Variants in PCDHA7 observed in about 807,000 individuals in gnomAD.
The protein encoded by PCDHA7 is protocadherin alpha 7.
PCDHA7 carries 37 observed loss-of-function variants against 57.2 expected under a neutral mutation model. That is an observed-to-expected ratio of 0.65 (90% CI 0.50 to 0.85). The LOEUF is 0.85. Among genes scored for constraint, PCDHA7 ranks in the 40% least tolerant of loss-of-function variants. The pLI is 0.00. For missense variants in PCDHA7, 1,188 were observed against 1,241.8 expected, an observed-to-expected ratio of 0.96 and a Z score of 0.65; for synonymous variants, 553 against 558.8, an observed-to-expected ratio of 0.99 and a Z score of 0.15.
At chr5:140,925,671 A>AATAATAATG (rs1445697337) in intron 1 of PCDHA7, among the ~76,000 whole-genome samples, 20 of 148,150 alleles carry the variant, frequency 1.3e-4, no homozygotes, top group African/African-American at 5.0e-4. Context: ...TAATAATAAT[A>AATAATAATG]ATAATAAAGC....
In PCDHA7 at chr5:141,009,849, C is replaced by G; in HGVS notation, c.2726C>G (p.Thr909Ser). The change falls in exon 4 of 4, where the codon ACC (threonine) becomes AGC (serine). Residue 909 changes from threonine (T) to serine (S), a missense_variant. Physicochemically the swap from Thr to Ser is moderately conservative, Grantham distance 58. Around this residue, in one of 3 missense-constraint regions of PCDHA7, gnomAD observed 892 missense variants for 788.5 expected, o/e 1.13. Coordinates refer to ENST00000525929, the MANE Select transcript of PCDHA7 (RefSeq NM_018910.3). ...ATAACCTTCGGCAAAAAGGAGGAGA[C>G]CAAGAAAAAGAAGAAAAAGAAGAAG... ...DFITFGKKEE[T>S]KKKKKKKKGN... 1 of 1,613,364 alleles carries G rather than the reference C, an allele frequency of 6.2e-7. No homozygotes were observed. The highest frequency in any genetic ancestry group is 8.5e-7 in the Non-Finnish European group (1 of 1,179,856).
chr5:140,963,032 T>C (rs541613535), intron 1 of PCDHA7, among the ~76,000 whole-genome samples: 8 of 152,290 alleles, frequency 5.3e-5, no homozygotes, highest in African/African-American at 1.9e-4. Context: ...CAATTAACAT[T>C]TATTGAGAGT....
In PCDHA7 at chr5:140,970,874, G is replaced by A. The variant is rs191123160; in HGVS notation, c.2356-8075G>A. On this transcript the variant is annotated intron_variant, in intron 1 of 3. Coordinates refer to ENST00000525929, the MANE Select transcript of PCDHA7 (RefSeq NM_018910.3). ...AAAGTTCCATTCCTGATTGAGAGTA[G>A]ATTTTTCTCATGGACATTTCAGATA... Among the ~76,000 whole-genome samples the A allele has an allele frequency of 1.6e-4, 24 of 152,250 alleles. No individual in the cohort carries two copies. The East Asian group carries it at 2.7e-3, about 17-fold the overall frequency.
intron 1 of PCDHA7, chr5:140,884,324 G>T (rs782624216): frequency 1.2e-6 from 2 of 1,613,840 alleles, no homozygotes; most frequent in Non-Finnish European, 1.7e-6. Context: ...GTCGGCAGGC[G>T]CTGTGGGTCC....
intron 1 of PCDHA7, chr5:140,928,599 T>G: frequency 6.2e-7 from 1 of 1,614,224 alleles, no homozygotes. Context: ...CAGTGGAAAT[T>G]GTGCCCCGCT....
rs943336645 is a variant in PCDHA7 at position 140,847,564 on chromosome 5, G to A, written c.2355+10826G>A. On this transcript the variant is annotated intron_variant, in intron 1 of 3. Coordinates refer to ENST00000525929, the MANE Select transcript of PCDHA7 (RefSeq NM_018910.3). ...TAGCTTTAAAAACAGAAATTGCCCC[G>A]AGTACTAAGGATGAGCAATAATGAA... The A allele has an allele frequency of 3.3e-5, 5 of 149,268 alleles. 1 individual carries two copies. The highest frequency in any genetic ancestry group is 1.3e-4 in the Admixed American group (2 of 14,886). The allele number at this position is 149,268 out of a possible 1,614,324, so 9.2% of individuals were successfully genotyped here. A position where few individuals can be genotyped will look rare whatever the true frequency, so the allele number is the denominator to read the frequency against.
At chr5:140,854,909 G>T (rs1295662316) in intron 1 of PCDHA7, among the ~76,000 whole-genome samples, 1 of 149,376 alleles carries the variant, frequency 6.7e-6, no homozygotes, top group Non-Finnish European at 1.5e-5. Flanking sequence ...AATATAACAG[G>T]GTTGAAAGCA....
Position 140,834,269 on chromosome 5 carries a change from A to C in PCDHA7, c.-115A>C. Reference sequence around the variant, plus strand: ...CTGGAAAGACGCTCCACTCTCTTTCACTCTTTGGATGCACAACAATGGCCA... The same window carrying C: ...CTGGAAAGACGCTCCACTCTCTTTCCCTCTTTGGATGCACAACAATGGCCA... On this transcript the variant is annotated 5_prime_UTR_variant, in exon 1 of 4. Transcript: ENST00000525929. 9.7e-7 allele frequency: 1 copy of C among 1,036,048 alleles called. No individual in the cohort carries two copies. Among genetic ancestry groups the C allele is most frequent in the Non-Finnish European group, 1.4e-6 (1 of 701,824 alleles). The allele number at this position is 1,036,048 out of a possible 1,614,324, so 64.2% of individuals were successfully genotyped here.
chr5:140,928,473 C>T (rs782009999), intron 1 of PCDHA7: 1 of 1,613,978 alleles, frequency 6.2e-7, no homozygotes, highest in Admixed American at 1.7e-5. Context: ...AAGTAGAAGG[C>T]CGGGATGGTG....
At chr5:140,861,503 C>T in intron 1 of PCDHA7, 3 of 478,536 alleles carry the variant, frequency 6.3e-6, no homozygotes, top group South Asian at 4.8e-5. Flanking sequence ...TGATAGACCT[C>T]GAGGAGCTGT....
In PCDHA7 at chr5:141,009,987, A is replaced by C. The variant is rs2154001821; in HGVS notation, c.*50A>C. The C allele has an allele frequency of 6.3e-7, 1 of 1,580,396 alleles. No individual in the cohort carries two copies. Among genetic ancestry groups the C allele is most frequent in the East Asian group, 2.2e-5 (1 of 44,670 alleles). On this transcript the variant is annotated 3_prime_UTR_variant, in exon 4 of 4. Coordinates refer to ENST00000525929, the MANE Select transcript of PCDHA7 (RefSeq NM_018910.3). The stretch of plus-strand genomic sequence containing the variant: ...TTAGCCAGTTTTTGTAATAATGGCA[A>C]ATCTCTCCCATGTAGCAATTCCCTG...
rs2150503431 is a variant in PCDHA7, at chr5:140,850,946, T to C, written c.2355+14208T>C. 14 of 1,504,084 alleles carry C rather than the reference T, an allele frequency of 9.3e-6. 3 individuals are homozygous for C. Among genetic ancestry groups the C allele is most frequent in the Non-Finnish European group, 1.3e-5 (14 of 1,119,924 alleles). 93.2% of individuals were successfully genotyped at this position (1,504,084 alleles called of 1,614,324 possible). A position where few individuals can be genotyped will look rare whatever the true frequency, so the allele number is the denominator to read the frequency against. ...TAATTTTTTTTCTTGAAAGATATTA[T>C]CGATTACTCCCAGGGGCCGTTCAAA... On this transcript the variant is annotated intron_variant, in intron 1 of 3. Coordinates refer to ENST00000525929, the MANE Select transcript of PCDHA7 (RefSeq NM_018910.3).
At chr5:140,939,960 T>G (rs1216904868) in intron 1 of PCDHA7, among the ~76,000 whole-genome samples, 2 of 152,258 alleles carry the variant, frequency 1.3e-5, no homozygotes, top group African/African-American at 2.4e-5. Context: ...TATGTTAAAG[T>G]GTTCCACGAT....
intron 1 of PCDHA7, chr5:140,876,965 G>C (rs1554169161): frequency 1.9e-6 from 3 of 1,612,976 alleles, no homozygotes; most frequent in East Asian, 2.2e-5. Flanking sequence ...GTGGAGCGGC[G>C]GGTGGGCGAG....
intron 1 of PCDHA7, chr5:140,841,056 A>T: frequency 2.2e-6 from 1 of 445,048 alleles, no homozygotes; most frequent in Non-Finnish European, 3.9e-6. Context: ...TTACTATTAA[A>T]TTATGATAAA....
At chr5:140,994,485 C>T (rs573689251) in intron 3 of PCDHA7, among the ~76,000 whole-genome samples, 2 of 152,146 alleles carry the variant, frequency 1.3e-5, no homozygotes, top group South Asian at 2.1e-4. Flanking sequence ...GGTGGATTGC[C>T]TGAACCCAGG....
At chr5:140,890,700 A>T (rs1265643590) in intron 1 of PCDHA7, among the ~76,000 whole-genome samples, 1 of 152,214 alleles carries the variant, frequency 6.6e-6, no homozygotes, top group East Asian at 1.9e-4. Context: ...CAGGGACCTT[A>T]CATTTTTAAA....
chr5:140,980,395 G>T (rs182782153), intron 2 of PCDHA7, among the ~76,000 whole-genome samples: 4 of 152,316 alleles, frequency 2.6e-5, no homozygotes, highest in Non-Finnish European at 5.9e-5. Context: ...ACTTTGGGAG[G>T]CCGAGGTGGG....
intron 1 of PCDHA7, chr5:140,841,357 G>T: frequency 6.2e-7 from 1 of 1,613,058 alleles, no homozygotes; most frequent in Non-Finnish European, 8.5e-7. Flanking sequence ...TGGGATCCTG[G>T]CGACTACTAC....
Sources: gnomAD v4.1 joint callset for allele counts (sites outside exome capture counted in the v4.1 genomes callset) on GRCh38, gnomAD v4.1.1 for gene constraint, gnomAD v4.1.1 regional missense constraint, MANE v1.5 for transcripts, NCBI Gene and HGNC (gene_info 2026-07-23, HGNC 2026-07-21) for gene names.